Variants in PIK3C2G observed in about 807,000 individuals in gnomAD.
PIK3C2G encodes the protein phosphatidylinositol 3-kinase C2 domain-containing subunit gamma.
A neutral mutation model predicts 181.1 loss-of-function variants in PIK3C2G; 168 were observed. The observed-to-expected ratio is 0.93, with a 90% CI of 0.82 to 1.05. The LOEUF (loss-of-function observed/expected upper bound fraction) is 1.05. Ranked by LOEUF, PIK3C2G falls within the 50% of genes least tolerant of loss-of-function variation. PIK3C2G has a pLI of 0.00. For missense variants in PIK3C2G, 1,869 were observed against 1,732.8 expected (o/e 1.08, Z -1.40); for synonymous variants, 573 against 592.2 (o/e 0.97, Z 0.47).
the PIK3C2G span, among the ~76,000 whole-genome samples, chr12:18,665,992 T>C: frequency 6.6e-6 from 1 of 151,446 alleles, no homozygotes; most frequent in East Asian, 1.9e-4. Flanking sequence ...TGGAGCTATA[T>C]GTGACCAAAG....
intron 24 of PIK3C2G, among the ~76,000 whole-genome samples, chr12:18,507,970 A>G (rs951013552): frequency 3.3e-5 from 5 of 152,236 alleles, no homozygotes; most frequent in African/African-American, 7.2e-5. Context: ...CTTAAGCAGT[A>G]TCATAGGTCA....
intron 1 of PIK3C2G, among the ~76,000 whole-genome samples, chr12:18,267,527 G>C (rs1449327916): frequency 2.0e-5 from 3 of 151,820 alleles, no homozygotes; most frequent in Non-Finnish European, 4.4e-5. Flanking sequence ...CCAATTACTC[G>C]TCCTTTGAAT....
chr12:18,498,753 G>T (rs1455357770), intron 22 of PIK3C2G, among the ~76,000 whole-genome samples: 1 of 152,106 alleles, frequency 6.6e-6, no homozygotes, highest in Admixed American at 6.6e-5. Flanking sequence ...ACCTTACAAT[G>T]ACTGCATTAC....
At chr12:18,440,133 T>C (rs1337336959) in intron 18 of PIK3C2G, among the ~76,000 whole-genome samples, 2 of 152,054 alleles carry the variant, frequency 1.3e-5, no homozygotes, top group Non-Finnish European at 2.9e-5. Context: ...CAGAAGGTTA[T>C]AGTAAGAACT....
At chr12:18,569,729 T>G (rs979234657) in intron 29 of PIK3C2G, among the ~76,000 whole-genome samples, 45 of 152,304 alleles carry the variant, frequency 3.0e-4, no homozygotes, top group African/African-American at 9.4e-4. Flanking sequence ...TTTTCCAATT[T>G]TCTATACTTG....
chr12:18,373,142 A>G (rs1219080279), intron 13 of PIK3C2G, among the ~76,000 whole-genome samples: 2 of 152,248 alleles, frequency 1.3e-5, no homozygotes, highest in Non-Finnish European at 2.9e-5. Flanking sequence ...GGGAGGCTGC[A>G]AAGACTCCAC....
At chr12:18,554,852 G>C (rs1464537340) in intron 26 of PIK3C2G, among the ~76,000 whole-genome samples, 1 of 152,036 alleles carries the variant, frequency 6.6e-6, no homozygotes, top group Non-Finnish European at 1.5e-5. Flanking sequence ...TGTTCCCCTT[G>C]AATGATTAAG....
chr12:18,274,933 C>G (rs1948918349), intron 1 of PIK3C2G, among the ~76,000 whole-genome samples: 1 of 152,142 alleles, frequency 6.6e-6, no homozygotes, highest in African/African-American at 2.4e-5. Context: ...TCTGAGGTCT[C>G]TAAGAAAACA....
At chr12:18,336,526 T>C (rs933096185) in intron 8 of PIK3C2G, among the ~76,000 whole-genome samples, 3 of 152,166 alleles carry the variant, frequency 2.0e-5, no homozygotes, top group Admixed American at 1.3e-4. Context: ...ACTAACTTTC[T>C]AGTTATGGAG....
intron 30 of PIK3C2G, among the ~76,000 whole-genome samples, chr12:18,606,767 T>C (rs1413981114): frequency 6.6e-6 from 1 of 152,068 alleles, no homozygotes; most frequent in Non-Finnish European, 1.5e-5. Context: ...TTCTTTGTTA[T>C]TAATAAATTG....
chr12:18,705,460 T>A, the PIK3C2G span: 1 of 1,007,406 alleles, frequency 9.9e-7, no homozygotes, highest in Non-Finnish European at 1.5e-6. Flanking sequence ...CTGAAAGTAC[T>A]TTTGAGTTTG....
intron 18 of PIK3C2G, among the ~76,000 whole-genome samples, chr12:18,470,020 T>C (rs1367666082): frequency 6.6e-6 from 1 of 151,980 alleles, no homozygotes; most frequent in Non-Finnish European, 1.5e-5. Context: ...GAGTTAAACT[T>C]CAGTATACTT....
chr12:18,479,079 G>T (rs1359090743), intron 18 of PIK3C2G, among the ~76,000 whole-genome samples: 2 of 149,206 alleles, frequency 1.3e-5, no homozygotes, highest in African/African-American at 2.5e-5. Flanking sequence ...ATATATCTAT[G>T]TATGTATAAA....
intron 8 of PIK3C2G, among the ~76,000 whole-genome samples, chr12:18,328,891 G>T (rs750394583): frequency 1.4e-4 from 21 of 151,732 alleles, no homozygotes; most frequent in Non-Finnish European, 2.8e-4. Flanking sequence ...AAGTAAAGGT[G>T]GGAAATGAGC....
chr12:18,526,130 A>G (rs1943219553), intron 24 of PIK3C2G, among the ~76,000 whole-genome samples: 2 of 152,146 alleles, frequency 1.3e-5, no homozygotes, highest in African/African-American at 4.8e-5. Flanking sequence ...CCCAATTTAA[A>G]ACTATCTTTT....
chr12:18,286,847 T>A lies in PIK3C2G; in HGVS notation c.679T>A (p.Ser227Thr), dbSNP rs200563288. Residue 227 changes from serine to threonine, a missense_variant and splice_region_variant, in exon 3 of 33, where the codon TCA (serine) becomes ACA (threonine). Physicochemically the swap from Ser to Thr is moderately conservative, Grantham distance 58. Coordinates refer to ENST00000538779, the MANE Select transcript of PIK3C2G (RefSeq NM_001288772.2). Reference protein sequence around the residue: ...WESTWQKNIESIGCSIQLVEV... With the variant: ...WESTWQKNIETIGCSIQLVEV... ...TTAATTTAGTAGATTTTATTTTAAGTCAATAGGTTGTTCCATTCAGCTAGT... is the reference window on the plus strand; with the variant it reads ...TTAATTTAGTAGATTTTATTTTAAGACAATAGGTTGTTCCATTCAGCTAGT... 32 of 1,473,318 alleles carry A rather than the reference T, an allele frequency of 2.2e-5. No homozygotes were observed. The African/African-American group carries it at 4.0e-4, about 18-fold the overall frequency. 91.3% of individuals were successfully genotyped at this position (1,473,318 alleles called of 1,614,324 possible).
At chr12:18,538,674 A>G (rs891165336) in intron 25 of PIK3C2G, among the ~76,000 whole-genome samples, 3 of 151,952 alleles carry the variant, frequency 2.0e-5, no homozygotes, top group African/African-American at 4.8e-5. Context: ...ATATATCATG[A>G]CAACCTAATA....
At chr12:18,367,551 TTTTA>T (rs1019233780) in intron 12 of PIK3C2G, among the ~76,000 whole-genome samples, 2 of 152,008 alleles carry the variant, frequency 1.3e-5, no homozygotes, top group African/African-American at 4.8e-5. Context: ...TTATTTTTAT[TTTTA>T]TTTATTTATT....
At chr12:18,659,772 C>T in the PIK3C2G span, among the ~76,000 whole-genome samples, 5 of 151,088 alleles carry the variant, frequency 3.3e-5, no homozygotes, top group South Asian at 2.1e-4. Context: ...GTGCTGCACC[C>T]GTTAACTCGT....
Sources: allele counts gnomAD v4.1 joint callset (sites outside exome capture counted in the v4.1 genomes callset), GRCh38; gene constraint gnomAD v4.1.1; transcripts MANE v1.5; gene names NCBI Gene and HGNC (gene_info 2026-07-23, HGNC 2026-07-21).